GABRB3: variants seen among roughly 807,000 people sequenced by gnomAD.
GABRB3 encodes the protein gamma-aminobutyric acid receptor subunit beta-3.
Under a neutral mutation model 52.1 loss-of-function variants are expected in GABRB3, and 14 were observed. The observed-to-expected ratio is 0.27, with a 90% CI of 0.18 to 0.42. GABRB3 has a LOEUF of 0.42. Ranked by LOEUF, GABRB3 falls within the 10% of genes least tolerant of loss-of-function variation. The pLI, the probability that GABRB3 is intolerant of heterozygous loss-of-function variation, is 1.00. For synonymous variants in GABRB3, 260 were observed against 232.3 expected (o/e 1.12, Z -1.08); for missense variants, 307 against 609.1 (o/e 0.50, Z 5.22).
chr15:26,713,186 C>A (rs1210339493), intron 3 of GABRB3, among the ~76,000 whole-genome samples: 2 of 152,126 alleles, frequency 1.3e-5, no homozygotes, highest in South Asian at 2.1e-4. Context: ...CTCCTGAGAG[C>A]GGCTGAGGCA....
At chr15:26,573,549 T>C (rs1254204707) in intron 6 of GABRB3, among the ~76,000 whole-genome samples, 2 of 152,182 alleles carry the variant, frequency 1.3e-5, no homozygotes, top group African/African-American at 2.4e-5. Flanking sequence ...TCTCCATTAT[T>C]TGGGATACTC....
chr15:26,643,312 T>C (rs1225669012), intron 3 of GABRB3, among the ~76,000 whole-genome samples: 2 of 152,060 alleles, frequency 1.3e-5, no homozygotes, highest in Non-Finnish European at 2.9e-5. Context: ...AATGATGGGA[T>C]GCCAGAAAGC....
rs1187752334 is a variant in GABRB3, at chr15:26,655,610, C to T, written c.241-34076G>A. Among the ~76,000 whole-genome samples, 12 of 152,162 alleles carry T rather than the reference C, an allele frequency of 7.9e-5. No homozygotes were observed. In the South Asian group the frequency reaches 1.9e-3, roughly 24 times the overall value. On this transcript the variant is annotated intron_variant, in intron 3 of 8. Coordinates refer to ENST00000311550, the MANE Select transcript of GABRB3 (RefSeq NM_000814.6). The stretch of plus-strand genomic sequence containing the variant: ...ACAAAAAATTAGCCAGGCGTGGTGG[C>T]GGGCGCCTGTAGTCCAGGCTACTCG...
chr15:26,621,599 C>G lies in GABRB3; in HGVS notation c.241-65G>C. The G allele has an allele frequency of 7.6e-7, 1 of 1,320,212 alleles. No individual in the cohort carries two copies. Among genetic ancestry groups the G allele is most frequent in the Non-Finnish European group, 1.1e-6 (1 of 927,848 alleles). 81.8% of individuals were successfully genotyped at this position (1,320,212 alleles called of 1,614,324 possible). A position where few individuals can be genotyped will look rare whatever the true frequency, so the allele number is the denominator to read the frequency against. ...AGCCACAGGTGTATTTCCTCCACGACCAGCCAAATTCAGGTTGCAATCTAG... is the reference window on the plus strand; with the variant it reads ...AGCCACAGGTGTATTTCCTCCACGAGCAGCCAAATTCAGGTTGCAATCTAG... On this transcript the variant is annotated intron_variant, in intron 3 of 8. Transcript: ENST00000311550. This position sits in a 1 kb window ranked among gnomAD's most constrained non-coding sequence, Gnocchi z 4.1.
rs188568877 is a variant in GABRB3 at position 26,717,474 on chromosome 15, G to C, written c.240+54928C>G. Among the ~76,000 whole-genome samples, 17 of 152,184 alleles carry C rather than the reference G, an allele frequency of 1.1e-4. 1 individual carries two copies. Among genetic ancestry groups the C allele is most frequent in the South Asian group, 4.1e-4 (2 of 4,834 alleles). On this transcript the variant is annotated intron_variant, in intron 3 of 8. Transcript: ENST00000311550. Reference sequence around the variant, plus strand: ...CTAAGACCACACATCCTAGCACTTCGATTACTTACCCATCACCAAAACAGT... The same window carrying C: ...CTAAGACCACACATCCTAGCACTTCCATTACTTACCCATCACCAAAACAGT...
At chr15:26,661,809 G>A (rs1402727176) in intron 3 of GABRB3, among the ~76,000 whole-genome samples, 1 of 152,164 alleles carries the variant, frequency 6.6e-6, no homozygotes, top group East Asian at 1.9e-4. Flanking sequence ...ACCTGGACCC[G>A]CATGGAACAG....
chr15:26,581,702 T>G (rs1292223316), intron 5 of GABRB3, among the ~76,000 whole-genome samples: 2 of 152,188 alleles, frequency 1.3e-5, no homozygotes, highest in African/African-American at 4.8e-5. Flanking sequence ...TTCACATAGC[T>G]CATTCTTTCC....
At chr15:26,576,682 T>G (rs965304828) in intron 6 of GABRB3, among the ~76,000 whole-genome samples, 1 of 152,150 alleles carries the variant, frequency 6.6e-6, no homozygotes, top group Admixed American at 6.5e-5. Context: ...TTCAGATACC[T>G]GCAGTTTTCA....
intron 3 of GABRB3, chr15:26,642,357 G>T: frequency 1.9e-6 from 1 of 522,974 alleles, no homozygotes; most frequent in Non-Finnish European, 3.1e-6. Context: ...TGGTGTACTT[G>T]GAGGTATGGG....
chr15:26,766,600 C>A (rs1318030403), intron 3 of GABRB3, among the ~76,000 whole-genome samples: 4 of 152,154 alleles, frequency 2.6e-5, no homozygotes, highest in African/African-American at 9.7e-5. Context: ...TTTTGGAACT[C>A]ATTTTATTTA....
intron 3 of GABRB3, among the ~76,000 whole-genome samples, chr15:26,757,475 C>A (rs1890695625): frequency 6.6e-6 from 1 of 152,186 alleles, no homozygotes. Context: ...GTCAAACTTG[C>A]AAAGCTTGAA....
chr15:26,634,578 C>G (rs191632311), intron 3 of GABRB3, among the ~76,000 whole-genome samples: 26 of 152,186 alleles, frequency 1.7e-4, no homozygotes, highest in African/African-American at 6.0e-4. Flanking sequence ...ATCCCAGAAG[C>G]ATGCTTACCC....
chr15:26,556,180 T>C (rs1418043720), intron 8 of GABRB3, among the ~76,000 whole-genome samples: 1 of 152,216 alleles, frequency 6.6e-6, no homozygotes, highest in Non-Finnish European at 1.5e-5. Flanking sequence ...TTGATTTCAA[T>C]GAAGTTTTTC....
chr15:26,557,356 G>A (rs142059651), intron 8 of GABRB3, among the ~76,000 whole-genome samples: 7 of 152,068 alleles, frequency 4.6e-5, no homozygotes, highest in East Asian at 1.9e-4. Flanking sequence ...GGAAATAATC[G>A]GTACACCAAA....
At position 26,560,922 on chromosome 15, in the gene GABRB3, G is replaced by C. The variant is rs754593330; in HGVS notation, c.1080+10C>G. 6.2e-7 allele frequency: 1 copy of C among 1,613,446 alleles called. No homozygotes were observed. Among genetic ancestry groups the C allele is most frequent in the Non-Finnish European group, 8.5e-7 (1 of 1,179,998 alleles). On this transcript the variant is annotated intron_variant, in intron 8 of 8. Coordinates refer to ENST00000311550, the MANE Select transcript of GABRB3 (RefSeq NM_000814.6). ...GGGACCAGGTGGGGTCAAGGTGGTG[G>C]AGAGCCTACCCGGTTGCTTTCGCTC...
At chr15:26,614,554 C>T (rs890606953) in intron 4 of GABRB3, 7 of 152,118 alleles carry the variant, frequency 4.6e-5, no homozygotes, top group African/African-American at 1.7e-4. Context: ...TATCAATATG[C>T]TTTTTAGTTG....
intron 6 of GABRB3, among the ~76,000 whole-genome samples, chr15:26,568,549 G>A (rs1006952100): frequency 6.7e-6 from 1 of 149,284 alleles, no homozygotes; most frequent in Non-Finnish European, 1.5e-5. Context: ...CCAGGCTGGA[G>A]GGCAGTGGCA....
chr15:26,623,398 T>C (rs898929517), intron 3 of GABRB3, among the ~76,000 whole-genome samples: 2 of 152,170 alleles, frequency 1.3e-5, no homozygotes, highest in African/African-American at 4.8e-5. Context: ...TTCTGATGCT[T>C]TGATCTGCGA....
chr15:26,590,897 T>C (rs1891176965), intron 4 of GABRB3, among the ~76,000 whole-genome samples: 2 of 152,186 alleles, frequency 1.3e-5, no homozygotes, highest in African/African-American at 4.8e-5. Context: ...CTTTATCTAA[T>C]ATAAAGGCTG....
Sources: allele counts gnomAD v4.1 joint callset (sites outside exome capture counted in the v4.1 genomes callset), GRCh38; gene constraint gnomAD v4.1.1; non-coding constraint Gnocchi (gnomAD v3.1); transcripts MANE v1.5; gene names NCBI Gene and HGNC (gene_info 2026-07-23, HGNC 2026-07-21).